NRCAM: variants seen among roughly 807,000 people sequenced by gnomAD.
NRCAM encodes neuronal cell adhesion molecule, also known as NgCAM-related cell adhesion molecule.
Under a neutral mutation model 156.5 loss-of-function variants are expected in NRCAM, and 83 were observed. The ratio of observed to expected loss-of-function variants is 0.53; its 90% CI spans 0.44 to 0.64. NRCAM has a LOEUF of 0.64. Among genes scored for constraint, NRCAM ranks in the 30% least tolerant of loss-of-function variants. The pLI, the probability that NRCAM is intolerant of heterozygous loss-of-function variation, is 0.00. For synonymous variants in NRCAM, 538 were observed against 563.9 expected (o/e 0.95, Z 0.65); for missense variants, 1,417 against 1,597.3 (o/e 0.89, Z 1.92).
intron 3 of NRCAM, among the ~76,000 whole-genome samples, chr7:108,292,472 T>C (rs1189147129): frequency 2.6e-5 from 4 of 152,202 alleles, no homozygotes; most frequent in African/African-American, 9.7e-5. Context: ...GCTTACTAAC[T>C]CAGGAGTATG....
At chr7:108,210,685 TA>T (rs1196932516) in intron 11 of NRCAM, among the ~76,000 whole-genome samples, 2 of 152,192 alleles carry the variant, frequency 1.3e-5, no homozygotes, top group African/African-American at 4.8e-5. Flanking sequence ...TTAGTTGCCT[TA>T]ATAGGGATAA....
chr7:108,247,261 A>T (rs1223910062), intron 3 of NRCAM, among the ~76,000 whole-genome samples: 3 of 152,226 alleles, frequency 2.0e-5, no homozygotes, highest in Non-Finnish European at 4.4e-5. Context: ...TGCAATAATG[A>T]ATTAAGATAA....
intron 1 of NRCAM, among the ~76,000 whole-genome samples, chr7:108,406,531 A>G (rs1224847952): frequency 6.6e-6 from 1 of 152,238 alleles, no homozygotes; most frequent in Admixed American, 6.5e-5. Context: ...CATGTTGGAG[A>G]GAACACTCCT....
intron 3 of NRCAM, among the ~76,000 whole-genome samples, chr7:108,288,873 A>C (rs754378216): frequency 3.2e-4 from 48 of 152,202 alleles, no homozygotes; most frequent in Non-Finnish European, 5.7e-4. Flanking sequence ...TGGAGGAGAT[A>C]TTATTCATTT....
intron 26 of NRCAM, among the ~76,000 whole-genome samples, chr7:108,177,239 T>A (rs1254445330): frequency 6.6e-6 from 1 of 151,990 alleles, no homozygotes; most frequent in Non-Finnish European, 1.5e-5. Context: ...AGGTGAAAGC[T>A]AAAAAAAGTT....
intron 2 of NRCAM, among the ~76,000 whole-genome samples, chr7:108,363,430 G>A (rs557920403): frequency 2.6e-5 from 4 of 152,194 alleles, no homozygotes; most frequent in Admixed American, 6.5e-5. Flanking sequence ...GACGACAGGC[G>A]TGTGCCACCA....
chr7:108,378,887 T>C lies in NRCAM; in HGVS notation c.-174+20549A>G, dbSNP rs181519553. 2.6e-5 allele frequency among the ~76,000 whole-genome samples: 4 copies of C among 151,844 alleles called. No homozygotes were observed. In the South Asian group the frequency reaches 6.3e-4, roughly 24 times the overall value. ...GACAAAGGAGAGAAAAAAAAAATAC[T>C]TGAACAAACAGGAAAGCCAGACTCT... On this transcript the variant is annotated intron_variant, in intron 2 of 32. Transcript: ENST00000379028.
At chr7:108,220,039 C>T (rs2091579657) in intron 11 of NRCAM, among the ~76,000 whole-genome samples, 1 of 151,838 alleles carries the variant, frequency 6.6e-6, no homozygotes, top group Non-Finnish European at 1.5e-5. Context: ...AAATCAGTAG[C>T]TCTTCTATAC....
At chr7:108,355,271 A>T (rs2099483864) in intron 2 of NRCAM, among the ~76,000 whole-genome samples, 1 of 152,242 alleles carries the variant, frequency 6.6e-6, no homozygotes, top group Non-Finnish European at 1.5e-5. Context: ...GAAAGAACAG[A>T]TGTGAAATTG....
intron 32 of NRCAM, among the ~76,000 whole-genome samples, chr7:108,151,161 A>T (rs1382798518): frequency 6.6e-6 from 1 of 152,206 alleles, no homozygotes; most frequent in East Asian, 1.9e-4. Flanking sequence ...GTTCACCCAT[A>T]CGGTCAAATA....
intron 2 of NRCAM, among the ~76,000 whole-genome samples, chr7:108,320,707 A>T (rs931515077): frequency 6.6e-6 from 1 of 152,240 alleles, no homozygotes; most frequent in Admixed American, 6.5e-5. Flanking sequence ...TACAAATTTG[A>T]TTAGTATCTA....
At chr7:108,327,657 A>T (rs904798727) in intron 2 of NRCAM, among the ~76,000 whole-genome samples, 1 of 152,154 alleles carries the variant, frequency 6.6e-6, no homozygotes, top group Non-Finnish European at 1.5e-5. Context: ...GTCTTTGAAG[A>T]TGTTTCAAGA....
At chr7:108,247,591 CATAAATTTGTTTATGCTAAATTATT>C (rs1461856024) in intron 3 of NRCAM, among the ~76,000 whole-genome samples, 29 of 152,184 alleles carry the variant, frequency 1.9e-4, no homozygotes, top group African/African-American at 7.0e-4. Flanking sequence ...ATTATTTTAG[CATAAATTTGTTTATGCTAAATTATT>C]TTAGCATAAT....
chr7:108,313,253 C>T (rs1438241391), intron 2 of NRCAM: 1 of 152,160 alleles, frequency 6.6e-6, no homozygotes, highest in African/African-American at 2.4e-5. Context: ...GTTCTGCAGT[C>T]TCCAACTCTC....
intron 1 of NRCAM, among the ~76,000 whole-genome samples, chr7:108,454,445 T>C (rs1301396918): frequency 6.6e-6 from 1 of 152,218 alleles, no homozygotes; most frequent in Non-Finnish European, 1.5e-5. Flanking sequence ...TAAGCCTTCA[T>C]TTCCTAATTT....
At chr7:108,278,178 C>T (rs2097713469) in intron 3 of NRCAM, among the ~76,000 whole-genome samples, 1 of 152,226 alleles carries the variant, frequency 6.6e-6, no homozygotes, top group Non-Finnish European at 1.5e-5. Context: ...GTCTCCCAGA[C>T]AGGCTACACA....
At chr7:108,246,587 C>G (rs2153836468) in intron 3 of NRCAM, among the ~76,000 whole-genome samples, 1 of 152,196 alleles carries the variant, frequency 6.6e-6, no homozygotes. Flanking sequence ...GAAACAGAAA[C>G]AGAGAAGAGC....
intron 1 of NRCAM, among the ~76,000 whole-genome samples, chr7:108,424,564 G>A (rs1414747230): frequency 6.6e-6 from 1 of 152,168 alleles, no homozygotes; most frequent in African/African-American, 2.4e-5. Flanking sequence ...CGTAGTTTTT[G>A]TCAGTGGGGT....
intron 2 of NRCAM, among the ~76,000 whole-genome samples, chr7:108,340,479 C>T (rs965579348): frequency 6.6e-6 from 1 of 152,132 alleles, no homozygotes; most frequent in East Asian, 1.9e-4. Flanking sequence ...GAAGTGCCAC[C>T]ATAACTGCAG....
Sources: allele counts gnomAD v4.1 joint callset (sites outside exome capture counted in the v4.1 genomes callset), GRCh38; gene constraint gnomAD v4.1.1; transcripts MANE v1.5; gene names NCBI Gene and HGNC (gene_info 2026-07-23, HGNC 2026-07-21).